The following RABGAP1L variants were observed in gnomAD, a reference collection of about 807,000 sequenced individuals.
RABGAP1L encodes the protein RAB GTPase activating protein 1 like.
A neutral mutation model predicts 137.7 loss-of-function variants in RABGAP1L; 63 were observed. The ratio of observed to expected loss-of-function variants is 0.46; its 90% CI spans 0.37 to 0.56. The LOEUF (loss-of-function observed/expected upper bound fraction) is 0.56, where lower values mean the gene tolerates loss of function less well. RABGAP1L is among the 20% of genes least tolerant of loss of function. The pLI, the probability that RABGAP1L is intolerant of heterozygous loss-of-function variation, is 0.00. For missense variants in RABGAP1L, 1,095 were observed against 1,244.0 expected (o/e 0.88, Z 1.80); for synonymous variants, 431 against 433.7 (o/e 0.99, Z 0.08).
chr1:174,223,592 T>G (rs1669941324), intron 3 of RABGAP1L, among the ~76,000 whole-genome samples: 1 of 151,934 alleles, frequency 6.6e-6, no homozygotes, highest in Non-Finnish European at 1.5e-5. Context: ...AATTATAAAA[T>G]GTTATTGAAG....
At chr1:174,708,694 G>A (rs571210916) in intron 17 of RABGAP1L, among the ~76,000 whole-genome samples, 3 of 152,316 alleles carry the variant, frequency 2.0e-5, no homozygotes, top group African/African-American at 7.2e-5. Flanking sequence ...AGGGCCCTGA[G>A]TTTCAAGCAT....
chr1:174,933,514 T>G (rs1664214211), intron 19 of RABGAP1L, among the ~76,000 whole-genome samples: 1 of 152,182 alleles, frequency 6.6e-6, no homozygotes, highest in Admixed American at 6.5e-5. Context: ...CTGAAGAGTT[T>G]ACCTTAAAGG....
intron 12 of RABGAP1L, among the ~76,000 whole-genome samples, chr1:174,384,176 G>A (rs1339595464): frequency 1.3e-5 from 2 of 152,180 alleles, no homozygotes; most frequent in Non-Finnish European, 2.9e-5. Context: ...AAAGTCAAGT[G>A]ACTTAATACT....
chr1:174,821,953 G>A (rs181843008), intron 19 of RABGAP1L, among the ~76,000 whole-genome samples: 1 of 152,336 alleles, frequency 6.6e-6, no homozygotes, highest in East Asian at 1.9e-4. Flanking sequence ...ATAGGATACA[G>A]ATGTGATAAT....
chr1:174,336,884 T>TGTGA lies in RABGAP1L; in HGVS notation c.1465+31758_1465+31759insTGAG, dbSNP rs1553276012. ...GTGTGTGTGTGTGTGTGTGTGTGTG[T>TGTGA]GAGAGAGAGAGAGAAAGAGAGAGAA... is the stretch of plus-strand genomic sequence containing the variant. On this transcript the variant is annotated intron_variant, in intron 11 of 25. Coordinates refer to ENST00000681986, the MANE Select transcript of RABGAP1L (RefSeq NM_001366446.1). 5.0e-3 allele frequency among the ~76,000 whole-genome samples: 483 copies of TGTGA among 96,706 alleles called. 1 individual carries two copies. Among genetic ancestry groups the TGTGA allele is most frequent in the Middle Eastern group, 0.015 (3 of 200 alleles). 63.4% of individuals were successfully genotyped at this position (96,706 alleles called of 152,430 possible).
intron 19 of RABGAP1L, among the ~76,000 whole-genome samples, chr1:174,852,357 ACT>A (rs1042971412): frequency 1.3e-5 from 2 of 151,978 alleles, no homozygotes; most frequent in Admixed American, 6.6e-5. Flanking sequence ...TAAGACTGTG[ACT>A]CTCTGTTACT....
At position 174,994,645 on chromosome 1, in the gene RABGAP1L, C is replaced by T. The variant is rs1247413979; in HGVS notation, c.*4644C>T. ...GTGAGAATATAAATGCATCGAAAGA[C>T]TCTGGTGTCATGAAAGCACAAGAAT... On this transcript the variant is annotated 3_prime_UTR_variant, in exon 26 of 26. Coordinates refer to ENST00000681986, the MANE Select transcript of RABGAP1L (RefSeq NM_001366446.1). 2 of 152,122 alleles carry T rather than the reference C, an allele frequency of 1.3e-5. No homozygotes were observed. Among genetic ancestry groups the T allele is most frequent in the East Asian group, 3.9e-4 (2 of 5,194 alleles). The allele number at this position is 152,122 out of a possible 1,614,324, so 9.4% of individuals were successfully genotyped here.
rs775086519 is a variant in RABGAP1L, at chr1:174,219,233, G to A, written c.76G>A (p.Val26Ile). 16 of 1,603,476 alleles carry A rather than the reference G, an allele frequency of 1.0e-5. No homozygotes were observed. The highest frequency in any genetic ancestry group is 1.4e-5 in the Non-Finnish European group (16 of 1,173,654). Reference protein sequence around the residue: ...SVATMNSEEFVLVPQYADDNS... With the variant: ...SVATMNSEEFILVPQYADDNS... ...GGCTACAATGAACAGTGAAGAATTT[G>A]TTTTGGTTCCTCAGTATGCAGATGA... The change falls in exon 2 of 26, where the codon GTT (valine) becomes ATT (isoleucine). Residue 26 changes from valine to isoleucine, a missense_variant. Coordinates refer to ENST00000681986, the MANE Select transcript of RABGAP1L (RefSeq NM_001366446.1).
chr1:174,187,704 C>A (rs1666911264), intron 1 of RABGAP1L, among the ~76,000 whole-genome samples: 2 of 152,068 alleles, frequency 1.3e-5, no homozygotes, highest in South Asian at 4.1e-4. Flanking sequence ...TAAAAATAGT[C>A]ATTTATTTTT....
At chr1:174,842,383 A>G (rs1246838322) in intron 19 of RABGAP1L, among the ~76,000 whole-genome samples, 1 of 152,178 alleles carries the variant, frequency 6.6e-6, no homozygotes, top group Non-Finnish European at 1.5e-5. Flanking sequence ...AAAACTCATT[A>G]CTAGGATTTG....
chr1:174,674,801 C>G (rs1029257046), intron 14 of RABGAP1L, among the ~76,000 whole-genome samples: 1 of 152,170 alleles, frequency 6.6e-6, no homozygotes, highest in Non-Finnish European at 1.5e-5. Flanking sequence ...GAGATGGTAT[C>G]TCATTGTGGT....
At chr1:174,230,000 A>G (rs768988109) in intron 3 of RABGAP1L, among the ~76,000 whole-genome samples, 206 of 152,272 alleles carry the variant, frequency 1.4e-3, no homozygotes, top group Non-Finnish European at 2.4e-3. Context: ...AACCAACCCA[A>G]ATGTCCAACA....
intron 10 of RABGAP1L, among the ~76,000 whole-genome samples, chr1:174,295,954 A>G (rs983201901): frequency 2.0e-5 from 3 of 152,258 alleles, no homozygotes; most frequent in African/African-American, 7.2e-5. Flanking sequence ...AAAGCAGTAG[A>G]TGAAATCACC....
At chr1:174,343,868 T>C (rs1217547811) in intron 11 of RABGAP1L, among the ~76,000 whole-genome samples, 1 of 152,108 alleles carries the variant, frequency 6.6e-6, no homozygotes, top group African/African-American at 2.4e-5. Context: ...AAACCAGAAA[T>C]AATCCATCCT....
chr1:174,856,299 G>A (rs1649273516), intron 19 of RABGAP1L, among the ~76,000 whole-genome samples: 2 of 151,596 alleles, frequency 1.3e-5, no homozygotes, highest in South Asian at 4.2e-4. Context: ...GGGAGGCTGA[G>A]GCAGAGAATT....
chr1:174,496,216 T>C (rs549754171), intron 13 of RABGAP1L, among the ~76,000 whole-genome samples: 57 of 152,260 alleles, frequency 3.7e-4, no homozygotes, highest in African/African-American at 1.3e-3. Context: ...AGATGATACA[T>C]GGACAATTTT....
At chr1:174,361,723 A>G (rs1047929614) in intron 11 of RABGAP1L, among the ~76,000 whole-genome samples, 1 of 152,120 alleles carries the variant, frequency 6.6e-6, no homozygotes, top group Non-Finnish European at 1.5e-5. Flanking sequence ...ATCATCTGCA[A>G]GCAAGTTTAA....
chr1:174,624,147 C>T (rs1315660471), intron 13 of RABGAP1L, among the ~76,000 whole-genome samples: 1 of 152,160 alleles, frequency 6.6e-6, no homozygotes, highest in Non-Finnish European at 1.5e-5. Context: ...ACTGGGCATG[C>T]CAAGTGCTTT....
intron 19 of RABGAP1L, among the ~76,000 whole-genome samples, chr1:174,876,025 G>A (rs190246326): frequency 6.6e-6 from 1 of 151,930 alleles, no homozygotes; most frequent in African/African-American, 2.4e-5. Flanking sequence ...CCTTGTGCTC[G>A]CTCTTATAAG....
Sources: allele counts gnomAD v4.1 joint callset (sites outside exome capture counted in the v4.1 genomes callset), GRCh38; gene constraint gnomAD v4.1.1; transcripts MANE v1.5; gene names NCBI Gene and HGNC (gene_info 2026-07-23, HGNC 2026-07-21).